Variants in N4BP2 observed in about 807,000 individuals in gnomAD.
The protein encoded by N4BP2 is NEDD4 binding protein 2, also known as NEDD4-binding protein 2.
Under a neutral mutation model 152.8 loss-of-function variants are expected in N4BP2, and 91 were observed. The observed-to-expected ratio is 0.60, with a 90% CI of 0.50 to 0.71. The LOEUF (loss-of-function observed/expected upper bound fraction) is 0.71. Among genes scored for constraint, N4BP2 ranks in the 30% least tolerant of loss-of-function variants. The pLI is 0.00. For synonymous variants in N4BP2, 646 were observed against 705.3 expected (o/e 0.92, Z 1.33); for missense variants, 1,923 against 2,059.1 (o/e 0.93, Z 1.28).
intron 13 of N4BP2, 135 bp downstream of exon 13, chr4:40,132,054 C>A: frequency 1.5e-6 from 1 of 659,616 alleles, no homozygotes; most frequent in East Asian, 2.6e-5. Context: ...ATTCCAAGAC[C>A]CACAGTGGGT....
At chr4:40,107,964 C>T (rs959452464) in intron 5 of N4BP2, among the ~76,000 whole-genome samples, 14 of 151,430 alleles carry the variant, frequency 9.2e-5, no homozygotes, top group African/African-American at 3.2e-4. Flanking sequence ...CGCTCTGTTG[C>T]CCTGGCTGCA....
chr4:40,144,052 T>C (rs138065545), intron 15 of N4BP2, among the ~76,000 whole-genome samples: 98 of 151,690 alleles, frequency 6.5e-4, no homozygotes, highest in African/African-American at 2.3e-3. Context: ...CAGTCCAGGG[T>C]CAAAGGCTCA....
chr4:40,086,862 C>G (rs1212897053), intron 2 of N4BP2, among the ~76,000 whole-genome samples: 1 of 152,108 alleles, frequency 6.6e-6, no homozygotes, highest in African/African-American at 2.4e-5. Context: ...ATCCTCCCAT[C>G]TCAGCCTCCT....
the N4BP2 span, among the ~76,000 whole-genome samples, chr4:40,173,394 T>C: frequency 1.1e-4 from 16 of 152,298 alleles, no homozygotes; most frequent in Non-Finnish European, 2.1e-4. Context: ...GCTGTGGGAA[T>C]ACAACCCCTG....
At chr4:40,103,643 G>A (rs558159394) in intron 4 of N4BP2, among the ~76,000 whole-genome samples, 1 of 152,314 alleles carries the variant, frequency 6.6e-6, no homozygotes, top group Admixed American at 6.5e-5. Context: ...GTTAAATAAT[G>A]CTTTTAGAAA....
chr4:40,173,386 T>C, the N4BP2 span, among the ~76,000 whole-genome samples: 1 of 152,192 alleles, frequency 6.6e-6, no homozygotes, highest in Non-Finnish European at 1.5e-5. Flanking sequence ...AGTTAGATGC[T>C]GTGGGAATAC....
chr4:40,187,433 C>T, the N4BP2 span, among the ~76,000 whole-genome samples: 1 of 152,162 alleles, frequency 6.6e-6, no homozygotes, highest in South Asian at 2.1e-4. Context: ...CCCTGACTTC[C>T]TTGTGTTGGT....
In N4BP2 at chr4:40,103,074, T is replaced by C. The variant is rs1157592196; in HGVS notation, c.1229T>C (p.Val410Ala). Reference sequence around the variant, plus strand: ...ATTTCTCACACTTCCCCAACAAAAGTATGGAGAAATAAAGATGGAACAAGT... The same window carrying C: ...ATTTCTCACACTTCCCCAACAAAAGCATGGAGAAATAAAGATGGAACAAGT... ...SVISHTSPTK[V>A]WRNKDGTSAY... Residue 410 changes from valine (V) to alanine (A), a missense_variant, in exon 4 of 18, where the codon GTA becomes GCA. Physicochemically the swap from Val to Ala is moderately conservative, Grantham distance 64. Transcript: ENST00000261435. The C allele has an allele frequency of 6.2e-7, 1 of 1,614,014 alleles. No individual in the cohort carries two copies. Among genetic ancestry groups the C allele is most frequent in the South Asian group, 1.1e-5 (1 of 91,072 alleles).
At position 40,097,469 on chromosome 4, in the gene N4BP2, A is replaced by C. The variant is rs1715202066; in HGVS notation, c.129A>C (p.Thr43=). Residue 43 remains threonine, a synonymous_variant, in exon 3 of 18, where the codon ACA becomes ACC. Transcript: ENST00000261435. ...CTACTCTACCTTCCATGGGTGAGAC[A>C]AAAGTTGATCAGGAAGAACTCTTCA... is the stretch of plus-strand genomic sequence containing the variant. ...PTTTLPSMGE[T]KVDQEELFTS... is the part of the protein sequence containing the mutation. 1.2e-6 allele frequency: 2 copies of C among 1,614,082 alleles called. No homozygotes were observed. Among genetic ancestry groups the C allele is most frequent in the African/African-American group, 2.7e-5 (2 of 75,062 alleles).
chr4:40,111,499 T>C (rs190181488), intron 5 of N4BP2, among the ~76,000 whole-genome samples: 159 of 152,248 alleles, frequency 1.0e-3, no homozygotes, highest in African/African-American at 3.6e-3. Context: ...TTTTGTATTT[T>C]TAGTGGAGAC....
chr4:40,112,498 C>T (rs1178449377), intron 6 of N4BP2, among the ~76,000 whole-genome samples: 1 of 151,630 alleles, frequency 6.6e-6, no homozygotes, highest in Non-Finnish European at 1.5e-5. Context: ...TTTCCTTTTC[C>T]TCATACTTGG....
chr4:40,180,192 T>A, the N4BP2 span, among the ~76,000 whole-genome samples: 1 of 152,192 alleles, frequency 6.6e-6, no homozygotes, highest in Non-Finnish European at 1.5e-5. Context: ...ATTATTGATA[T>A]CTTTCATATA....
the N4BP2 span, among the ~76,000 whole-genome samples, chr4:40,186,501 G>A: frequency 6.6e-6 from 1 of 152,196 alleles, no homozygotes; most frequent in East Asian, 1.9e-4. Flanking sequence ...CTTGCCCACT[G>A]CTCACCTCCT....
rs571750053 is a variant in N4BP2 at position 40,108,120 on chromosome 4, G to GT, written c.1498+1100dup. Among the ~76,000 whole-genome samples, 30 of 150,696 alleles carry GT rather than the reference G, an allele frequency of 2.0e-4. No individual in the cohort carries two copies. In the South Asian group the frequency reaches 6.3e-3, roughly 32 times the overall value. ...TTTTTGTATTTTTAGTAGCGACGGG[G>GT]TTTTGCCACATTGGCCAGGGCCAGG... On this transcript the variant is annotated intron_variant, in intron 5 of 17. Transcript: ENST00000261435.
At chr4:40,104,399 CTT>C (rs1716040245) in intron 4 of N4BP2, among the ~76,000 whole-genome samples, 2 of 110,966 alleles carry the variant, frequency 1.8e-5, no homozygotes, top group South Asian at 4.3e-4. Context: ...CCTTCATAAA[CTT>C]ATTTTTAGTT....
intron 2 of N4BP2, among the ~76,000 whole-genome samples, chr4:40,074,172 C>T (rs1712492462): frequency 7.7e-6 from 1 of 130,624 alleles, no homozygotes; most frequent in South Asian, 2.4e-4. Flanking sequence ...CTCACTGCAA[C>T]TTCCGTCTCC....
intron 4 of N4BP2, among the ~76,000 whole-genome samples, chr4:40,104,964 G>T (rs572438817): frequency 6.6e-6 from 1 of 151,980 alleles, no homozygotes; most frequent in South Asian, 2.1e-4. Context: ...CACCGCGCCT[G>T]GTTAATTTTT....
chr4:40,177,008 G>T, the N4BP2 span, among the ~76,000 whole-genome samples: 1 of 152,194 alleles, frequency 6.6e-6, no homozygotes, highest in African/African-American at 2.4e-5. Context: ...CTGTGGGACG[G>T]ATAAGAACCC....
downstream of N4BP2, among the ~76,000 whole-genome samples, chr4:40,161,671 G>A (rs1721864118): frequency 6.6e-6 from 1 of 152,198 alleles, no homozygotes; most frequent in African/African-American, 2.4e-5. Flanking sequence ...TTCAAAATAA[G>A]ATGGAGCAAG....
Sources: gnomAD v4.1 joint callset for allele counts (sites outside exome capture counted in the v4.1 genomes callset) on GRCh38, gnomAD v4.1.1 for gene constraint, MANE v1.5 for transcripts, NCBI Gene and HGNC (gene_info 2026-07-23, HGNC 2026-07-21) for gene names.